Variants in SUPT3H observed in about 807,000 individuals in gnomAD.
SUPT3H encodes SPT3 homolog, SAGA and STAGA complex component, also known as transcription initiation protein SPT3 homolog.
SUPT3H carries 44 observed loss-of-function variants against 44.3 expected under a neutral mutation model. The ratio of observed to expected loss-of-function variants is 0.99; its 90% CI spans 0.78 to 1.28. The LOEUF is 1.28. Among genes scored for constraint, SUPT3H ranks in the 50% most tolerant of loss-of-function variants. The pLI, the probability that SUPT3H is intolerant of heterozygous loss-of-function variation, is 0.00. For missense variants in SUPT3H, 380 were observed against 387.1 expected (o/e 0.98, Z 0.15); for synonymous variants, 124 against 125.6 (o/e 0.99, Z 0.09).
At chr6:45,066,029 A>C (rs1793239139) in intron 3 of SUPT3H, among the ~76,000 whole-genome samples, 1 of 139,166 alleles carries the variant, frequency 7.2e-6, no homozygotes, top group South Asian at 2.6e-4. Flanking sequence ...TTAGACCAAT[A>C]TCCTTGATGA....
At chr6:45,002,017 G>T (rs1387107805) in intron 6 of SUPT3H, among the ~76,000 whole-genome samples, 2 of 151,990 alleles carry the variant, frequency 1.3e-5, no homozygotes, top group African/African-American at 4.8e-5. Context: ...ACTCTGTTAT[G>T]TTGGCCAGAG....
rs193004226 is a variant in SUPT3H at position 45,178,130 on chromosome 6, G to A, written c.102-72124C>T. 3.9e-3 allele frequency among the ~76,000 whole-genome samples: 591 copies of A among 152,114 alleles called. 5 individuals are homozygous for A. Among genetic ancestry groups the A allele is most frequent in the Non-Finnish European group, 4.6e-3 (310 of 67,980 alleles). ...ATTAGAAGACACAGACTGGCAAATT[G>A]GATAAAGAGTCAAGACCCATCAGTG... On this transcript the variant is annotated intron_variant, in intron 2 of 10. Transcript: ENST00000371459.
intron 10 of SUPT3H, among the ~76,000 whole-genome samples, chr6:44,926,502 TAA>T (rs996771151): frequency 5.3e-5 from 8 of 152,068 alleles, no homozygotes; most frequent in African/African-American, 1.9e-4. Flanking sequence ...TTTATTCACA[TAA>T]GTTAGTAGAT....
intron 3 of SUPT3H, among the ~76,000 whole-genome samples, chr6:45,050,278 A>AGAGAGTGTGTGTGTGTGT (rs1554221019): frequency 6.8e-6 from 1 of 147,318 alleles, no homozygotes; most frequent in Non-Finnish European, 1.5e-5. Context: ...CTTTTTCTGC[A>AGAGAGTGTGTGTGTGTGT]GTGTGTGTGT....
intron 3 of SUPT3H, among the ~76,000 whole-genome samples, chr6:45,076,609 C>T (rs1470318760): frequency 6.6e-6 from 1 of 152,034 alleles, no homozygotes; most frequent in Non-Finnish European, 1.5e-5. Flanking sequence ...TGCTTTTGTA[C>T]TTGTAAAATA....
At chr6:44,997,684 C>G (rs1781449528) in intron 6 of SUPT3H, among the ~76,000 whole-genome samples, 2 of 151,842 alleles carry the variant, frequency 1.3e-5, no homozygotes, top group African/African-American at 2.4e-5. Flanking sequence ...GCTCCTTGAA[C>G]TCTCGCAAAT....
intron 2 of SUPT3H, among the ~76,000 whole-genome samples, chr6:45,169,450 C>T (rs1472231939): frequency 1.3e-5 from 2 of 152,096 alleles, no homozygotes; most frequent in East Asian, 3.8e-4. Flanking sequence ...GTATGCAGCA[C>T]TAGATGCTAC....
intron 6 of SUPT3H, among the ~76,000 whole-genome samples, chr6:44,990,607 T>C (rs78120925): frequency 0.025 from 3,768 of 152,220 alleles, 170 homozygotes; most frequent in African/African-American, 0.085. Context: ...GATTGGATCA[T>C]GGGGGCAAGC....
At chr6:44,890,843 A>C (rs1200733664) in intron 10 of SUPT3H, among the ~76,000 whole-genome samples, 2 of 152,126 alleles carry the variant, frequency 1.3e-5, no homozygotes, top group African/African-American at 4.8e-5. Flanking sequence ...TGTCCTTTGC[A>C]GGGACATGGA....
intron 11 of SUPT3H, among the ~76,000 whole-genome samples, chr6:44,809,994 G>A (rs1766401760): frequency 6.6e-6 from 1 of 152,226 alleles, no homozygotes; most frequent in Non-Finnish European, 1.5e-5. Flanking sequence ...AAACCTTGTG[G>A]TGAAGGGGCC....
chr6:45,121,284 A>AT (rs1801619157), intron 2 of SUPT3H, among the ~76,000 whole-genome samples: 1 of 152,170 alleles, frequency 6.6e-6, no homozygotes, highest in African/African-American at 2.4e-5. Context: ...AGAACGTCCC[A>AT]TTTTTTTCTA....
At chr6:45,011,443 G>A (rs187794040) in intron 5 of SUPT3H, among the ~76,000 whole-genome samples, 1 of 152,050 alleles carries the variant, frequency 6.6e-6, no homozygotes, top group African/African-American at 2.4e-5. Context: ...TATATAGTTT[G>A]TTATATTAAC....
At chr6:44,973,606 T>G (rs1055550413) in intron 6 of SUPT3H, among the ~76,000 whole-genome samples, 1 of 152,150 alleles carries the variant, frequency 6.6e-6, no homozygotes, top group Non-Finnish European at 1.5e-5. Context: ...CTTCCACATT[T>G]TCAGGTATTT....
intron 10 of SUPT3H, among the ~76,000 whole-genome samples, chr6:44,866,473 T>A (rs759037718): frequency 8.6e-5 from 13 of 151,882 alleles, no homozygotes; most frequent in Non-Finnish European, 1.5e-4. Flanking sequence ...ATATATATAT[T>A]GAGATCCATC....
At chr6:45,296,091 G>A (rs143309457) in intron 2 of SUPT3H, among the ~76,000 whole-genome samples, 96 of 151,558 alleles carry the variant, frequency 6.3e-4, no homozygotes, top group African/African-American at 2.0e-3. Context: ...ATCAATCAAC[G>A]AATGGATAAG....
chr6:45,067,366 G>C (rs1411356089), intron 3 of SUPT3H, among the ~76,000 whole-genome samples: 1 of 125,240 alleles, frequency 8.0e-6, no homozygotes, highest in African/African-American at 2.7e-5. Context: ...AACCCTAGAA[G>C]AAAACCTAGG....
At chr6:45,123,892 A>G (rs984620157) in intron 2 of SUPT3H, among the ~76,000 whole-genome samples, 1 of 152,218 alleles carries the variant, frequency 6.6e-6, no homozygotes, top group African/African-American at 2.4e-5. Context: ...ATCTCATGTA[A>G]GTGCTACATC....
chr6:45,164,199 A>T (rs116352554), intron 2 of SUPT3H, among the ~76,000 whole-genome samples: 181 of 152,234 alleles, frequency 1.2e-3, no homozygotes, highest in African/African-American at 4.1e-3. Flanking sequence ...CAGCTGAACG[A>T]GTTTGAATCC....
intron 10 of SUPT3H, among the ~76,000 whole-genome samples, chr6:44,848,054 T>C (rs1171377912): frequency 1.3e-5 from 2 of 148,388 alleles, no homozygotes; most frequent in African/African-American, 5.0e-5. Flanking sequence ...GCAACCTCTG[T>C]CTTGTGGTTC....
Sources: gnomAD v4.1 joint callset for allele counts (sites outside exome capture counted in the v4.1 genomes callset) on GRCh38, gnomAD v4.1.1 for gene constraint, MANE v1.5 for transcripts, NCBI Gene and HGNC (gene_info 2026-07-23, HGNC 2026-07-21) for gene names.